Variants in SRFBP1 observed in about 807,000 individuals in gnomAD.
SRFBP1 encodes the protein serum response factor binding protein 1, also known as serum response factor-binding protein 1.
SRFBP1 carries 47 observed loss-of-function variants against 45.5 expected under a neutral mutation model. The observed-to-expected ratio is 1.03, with a 90% CI of 0.82 to 1.32. SRFBP1 has a LOEUF of 1.32. Among genes scored for constraint, SRFBP1 ranks in the 40% most tolerant of loss-of-function variants. The pLI, the probability that SRFBP1 is intolerant of heterozygous loss-of-function variation, is 0.00. For synonymous variants in SRFBP1, 203 were observed against 166.3 expected, an observed-to-expected ratio of 1.22 and a Z score of -1.70; for missense variants, 621 against 484.6, an observed-to-expected ratio of 1.28 and a Z score of -2.64.
chr5:122,073,378 A>G (rs1486603499), intron 2 of SRFBP1, among the ~76,000 whole-genome samples: 1 of 152,216 alleles, frequency 6.6e-6, no homozygotes, highest in Non-Finnish European at 1.5e-5. Context: ...TTAAATATAT[A>G]TGTGTGGAGA....
At position 121,982,753 on chromosome 5, in the gene SRFBP1, T is replaced by TA. The variant is rs372750193; in HGVS notation, c.198+7367dup. 9.5e-3 allele frequency among the ~76,000 whole-genome samples: 1,439 copies of TA among 151,908 alleles called. 25 individuals are homozygous for TA. Among genetic ancestry groups the TA allele is most frequent in the African/African-American group, 0.032 (1,344 of 41,498 alleles). ...CTGGAATTCTTCACCTAGATAAGCC[T>TA]ACTTCAGAGGCTACTGAGTGTATAA... On this transcript the variant is annotated intron_variant, in intron 3 of 7. Coordinates refer to ENST00000339397, the MANE Select transcript of SRFBP1 (RefSeq NM_152546.3).
At chr5:121,993,673 T>G (rs944644344) in intron 3 of SRFBP1, among the ~76,000 whole-genome samples, 2 of 152,118 alleles carry the variant, frequency 1.3e-5, no homozygotes, top group African/African-American at 4.8e-5. Context: ...TCACTTACTT[T>G]CATTAATTTT....
intron 2 of SRFBP1, among the ~76,000 whole-genome samples, chr5:122,069,327 C>T (rs1754387991): frequency 6.6e-6 from 1 of 152,062 alleles, no homozygotes; most frequent in African/African-American, 2.4e-5. Flanking sequence ...ACTCAAGTGG[C>T]ATATGTAATT....
downstream of SRFBP1, chr5:122,077,041 C>G: frequency 3.1e-6 from 5 of 1,605,598 alleles, no homozygotes; most frequent in Non-Finnish European, 4.2e-6. This position sits in a 1 kb window ranked among gnomAD's most constrained non-coding sequence, Gnocchi z 4.9. Flanking sequence ...GTGAAACAAC[C>G]CGGCGCCCCC....
intron 1 of SRFBP1, among the ~76,000 whole-genome samples, chr5:121,970,429 A>G (rs910371255): frequency 6.6e-6 from 1 of 152,144 alleles, no homozygotes; most frequent in Non-Finnish European, 1.5e-5. Context: ...ACATTTGTTA[A>G]TATATTTTAA....
At chr5:121,986,525 C>A (rs917879039) in intron 3 of SRFBP1, among the ~76,000 whole-genome samples, 1 of 152,014 alleles carries the variant, frequency 6.6e-6, no homozygotes, top group African/African-American at 2.4e-5. Context: ...TTATTTTATT[C>A]TCATATGGGC....
chr5:122,001,976 G>A (rs1443050041), intron 4 of SRFBP1, among the ~76,000 whole-genome samples: 2 of 152,136 alleles, frequency 1.3e-5, no homozygotes, highest in Admixed American at 6.6e-5. Flanking sequence ...ACTATAAGGT[G>A]TGTGTAAGAA....
At chr5:122,070,391 G>T in intron 2 of SRFBP1, 1 of 688,594 alleles carries the variant, frequency 1.5e-6, no homozygotes, top group Middle Eastern at 3.9e-4. Flanking sequence ...GTTTGAGGAT[G>T]TATAATTGCT....
Position 122,020,145 on chromosome 5 carries a change from A to C in SRFBP1, c.410A>C (p.Lys137Thr). Residue 137 changes from lysine to threonine, a missense_variant, in exon 6 of 8, where the codon AAG (lysine) becomes ACG (threonine). Coordinates refer to ENST00000339397, the MANE Select transcript of SRFBP1 (RefSeq NM_152546.3). ...AATGTTGCTGAAGTTGAGTCATCAA[A>C]GAATGCTTCAGAGGACAATCATTCT... ...RQNVAEVESS[K>T]NASEDNHSEN... 2.5e-6 allele frequency: 4 copies of C among 1,594,214 alleles called. No individual in the cohort carries two copies. The highest frequency in any genetic ancestry group is 3.4e-6 in the Non-Finnish European group (4 of 1,173,356).
In SRFBP1 at chr5:121,974,410, T is replaced by C. The variant is rs1044953561; in HGVS notation, c.125+126T>C. The C allele has an allele frequency of 1.4e-5, 9 of 638,158 alleles. No homozygotes were observed. In the South Asian group the frequency reaches 1.5e-4, roughly 11 times the overall value. 39.5% of individuals were successfully genotyped at this position (638,158 alleles called of 1,614,324 possible). A position where few individuals can be genotyped will look rare whatever the true frequency, so the allele number is the denominator to read the frequency against. On this transcript the variant is annotated intron_variant, in intron 2 of 7. Coordinates refer to ENST00000339397, the MANE Select transcript of SRFBP1 (RefSeq NM_152546.3). ...AAATGTCTTATACACCATTTTTGTT[T>C]TGTATGCGGAGATGATGTGAGTGAG... is the stretch of plus-strand genomic sequence containing the variant.
At chr5:122,029,332 G>A (rs368031996), downstream of SRFBP1, among the ~76,000 whole-genome samples, 1 of 152,160 alleles carries the variant, frequency 6.6e-6, no homozygotes, top group East Asian at 1.9e-4. Flanking sequence ...TGTCTATCAG[G>A]AAATCTTTCT....
At position 122,043,496 on chromosome 5, in the gene SRFBP1, G is replaced by A. The variant is rs562306529; in HGVS notation, n.311+21089G>A. Among the ~76,000 whole-genome samples, 42 of 152,284 alleles carry A rather than the reference G, an allele frequency of 2.8e-4. No homozygotes were observed. In the South Asian group the frequency reaches 7.5e-3, roughly 27 times the overall value. ...ATCCCAAAGTGCTAGGATTACAGGC[G>A]TGAGCCACCATGCCCAGCCTGTCGC... On this transcript the variant is annotated intron_variant and non_coding_transcript_variant, in intron 2 of 2. Transcript: ENST00000504881.
At chr5:122,021,177 A>G (rs1011010618) in intron 6 of SRFBP1, among the ~76,000 whole-genome samples, 1 of 152,234 alleles carries the variant, frequency 6.6e-6, no homozygotes, top group African/African-American at 2.4e-5. Context: ...TTGATGATCC[A>G]GGACCATTAT....
intron 3 of SRFBP1, among the ~76,000 whole-genome samples, chr5:121,979,856 T>C (rs1752373885): frequency 1.3e-5 from 2 of 152,172 alleles, no homozygotes; most frequent in Admixed American, 6.5e-5. Context: ...CCTAAGGTTA[T>C]ATAGCTTACA....
chr5:122,070,729 C>T (rs1754426206), intron 2 of SRFBP1: 1 of 533,572 alleles, frequency 1.9e-6, no homozygotes, highest in Non-Finnish European at 3.3e-6. Flanking sequence ...TTTCATCTCC[C>T]TTGAGAAGTA....
At chr5:121,985,087 A>G (rs145132067) in intron 3 of SRFBP1, among the ~76,000 whole-genome samples, 43 of 152,014 alleles carry the variant, frequency 2.8e-4, no homozygotes, top group African/African-American at 1.0e-3. Flanking sequence ...ATAAAAATAT[A>G]GAAATTAATA....
At chr5:121,974,560 G>C (rs1752264184) in intron 2 of SRFBP1, among the ~76,000 whole-genome samples, 1 of 151,702 alleles carries the variant, frequency 6.6e-6, no homozygotes, top group Non-Finnish European at 1.5e-5. Context: ...AATTCCCTTG[G>C]GCTTGTGTGT....
chr5:122,077,866 G>A (rs1487006352), downstream of SRFBP1: 3 of 1,535,352 alleles, frequency 2.0e-6, no homozygotes, highest in East Asian at 2.5e-5. The surrounding 1 kb of genome is among the most constrained non-coding windows in gnomAD (Gnocchi z 4.9). Context: ...GGCGCCAGGC[G>A]CCCGGAGCCG....
At chr5:122,073,754 C>T (rs1242470372) in intron 2 of SRFBP1, among the ~76,000 whole-genome samples, 1 of 152,130 alleles carries the variant, frequency 6.6e-6, no homozygotes, top group African/African-American at 2.4e-5. Flanking sequence ...ATCATCAAGC[C>T]ATCATTTGCC....
Sources: gnomAD v4.1 joint callset for allele counts (sites outside exome capture counted in the v4.1 genomes callset) on GRCh38, gnomAD v4.1.1 for gene constraint, Gnocchi (gnomAD v3.1) non-coding constraint, MANE v1.5 for transcripts, NCBI Gene and HGNC (gene_info 2026-07-23, HGNC 2026-07-21) for gene names.